Variants in TEAD1 observed in about 807,000 individuals in gnomAD.
TEAD1 encodes TEA domain transcription factor 1.
Under a neutral mutation model 54.9 loss-of-function variants are expected in TEAD1, and 9 were observed. That is an observed-to-expected ratio of 0.16 (90% CI 0.10 to 0.29). The LOEUF (loss-of-function observed/expected upper bound fraction) is 0.29, where lower values mean the gene tolerates loss of function less well. Among genes scored for constraint, TEAD1 ranks in the 10% least tolerant of loss-of-function variants. The pLI, the probability that TEAD1 is intolerant of heterozygous loss-of-function variation, is 1.00. For missense variants in TEAD1, 387 were observed against 535.9 expected, an observed-to-expected ratio of 0.72 and a Z score of 2.74; for synonymous variants, 200 against 187.8, an observed-to-expected ratio of 1.07 and a Z score of -0.53.
At chr11:12,837,487 AC>A (rs1946917464) in intron 3 of TEAD1, among the ~76,000 whole-genome samples, 1 of 152,140 alleles carries the variant, frequency 6.6e-6, no homozygotes, top group Non-Finnish European at 1.5e-5. Flanking sequence ...GGATTAAACA[AC>A]AGAAATTAAT....
intron 9 of TEAD1, among the ~76,000 whole-genome samples, chr11:12,884,561 G>T (rs1289580793): frequency 6.6e-6 from 1 of 152,192 alleles, no homozygotes; most frequent in African/African-American, 2.4e-5. Flanking sequence ...GGGCAGAGGG[G>T]CTTGACCAGT....
chr11:12,786,108 C>T (rs1044726155), intron 3 of TEAD1, among the ~76,000 whole-genome samples: 1 of 152,150 alleles, frequency 6.6e-6, no homozygotes, highest in African/African-American at 2.4e-5. Context: ...TTACTTGTCT[C>T]CCAGGTGTCC....
intron 2 of TEAD1, among the ~76,000 whole-genome samples, chr11:12,762,183 T>C (rs1409806281): frequency 6.6e-6 from 1 of 152,162 alleles, no homozygotes; most frequent in African/African-American, 2.4e-5. Flanking sequence ...GGCCTGTGGT[T>C]TTGTGCATGT....
intron 3 of TEAD1, among the ~76,000 whole-genome samples, chr11:12,835,452 G>A (rs1303719051): frequency 6.6e-6 from 1 of 152,016 alleles, no homozygotes; most frequent in Non-Finnish European, 1.5e-5. Flanking sequence ...TGGAATTATA[G>A]GCTCGTGCCA....
chr11:12,846,261 C>T (rs1434418147), intron 3 of TEAD1, among the ~76,000 whole-genome samples: 2 of 148,842 alleles, frequency 1.3e-5, no homozygotes. Context: ...CCCCCCAGAG[C>T]CTCCACAGGC....
At chr11:12,778,529 CTTTTTT>C (rs775536398) in intron 3 of TEAD1, among the ~76,000 whole-genome samples, 362 of 125,796 alleles carry the variant, frequency 2.9e-3, no homozygotes, top group African/African-American at 0.01. Flanking sequence ...TCATCAGACT[CTTTTTT>C]TTTTTTTTTT....
chr11:12,858,410 A>G (rs904431507), intron 3 of TEAD1, among the ~76,000 whole-genome samples: 4 of 152,234 alleles, frequency 2.6e-5, no homozygotes, highest in Non-Finnish European at 5.9e-5. Flanking sequence ...GGCCTAGGTA[A>G]CAGATCAGCC....
At chr11:12,784,350 G>A (rs1945630502) in intron 3 of TEAD1, among the ~76,000 whole-genome samples, 1 of 152,106 alleles carries the variant, frequency 6.6e-6, no homozygotes, top group African/African-American at 2.4e-5. Flanking sequence ...CATGGGGAGG[G>A]CGCCAGCAGG....
At chr11:12,813,194 C>G (rs939132486) in intron 3 of TEAD1, among the ~76,000 whole-genome samples, 1 of 152,140 alleles carries the variant, frequency 6.6e-6, no homozygotes, top group African/African-American at 2.4e-5. Context: ...TGGGGGCTCC[C>G]TGGGAGCCCT....
chr11:12,730,416 GTTTTTT>G (rs59731479), intron 2 of TEAD1, among the ~76,000 whole-genome samples: 14 of 60,242 alleles, frequency 2.3e-4, no homozygotes, highest in African/African-American at 6.6e-4. Flanking sequence ...CCAGTTGAGT[GTTTTTT>G]TTTTTTTTTT....
chr11:12,888,649 G>C (rs1948137947), intron 9 of TEAD1, among the ~76,000 whole-genome samples: 1 of 152,148 alleles, frequency 6.6e-6, no homozygotes. Context: ...TGTCACCCTT[G>C]CCAACATTGA....
intron 2 of TEAD1, among the ~76,000 whole-genome samples, chr11:12,711,387 A>G (rs886180151): frequency 6.6e-6 from 1 of 152,166 alleles, no homozygotes; most frequent in Non-Finnish European, 1.5e-5. Flanking sequence ...CCACTTTAAG[A>G]TGTTCTCTTA....
chr11:12,862,355 G>A (rs748564320), intron 4 of TEAD1, 41 bp downstream of exon 4: 4 of 1,592,320 alleles, frequency 2.5e-6, no homozygotes, highest in Non-Finnish European at 3.4e-6. Context: ...TCAGCGAATG[G>A]CCCAAAAAGG....
intron 2 of TEAD1, among the ~76,000 whole-genome samples, chr11:12,747,402 C>G (rs563267092): frequency 6.6e-6 from 1 of 152,172 alleles, no homozygotes; most frequent in Admixed American, 6.5e-5. Context: ...GTGGCACAAT[C>G]TTGGCTCACT....
intron 3 of TEAD1, among the ~76,000 whole-genome samples, chr11:12,820,780 C>T (rs1946528364): frequency 6.6e-6 from 1 of 152,124 alleles, no homozygotes; most frequent in Admixed American, 6.5e-5. Flanking sequence ...ATTAAAATAT[C>T]TTTATTATTG....
chr11:12,907,857 A>G lies in TEAD1; in HGVS notation c.873+5744A>G, dbSNP rs116632734. On this transcript the variant is annotated intron_variant, in intron 10 of 12. Transcript: ENST00000527636. ...CCATGCTCTTTGTGTAAACCTGTGC[A>G]TGGCCTCTTCAGGGAGCACGGTTCT... Among the ~76,000 whole-genome samples the G allele has an allele frequency of 5.9e-3, 892 of 152,314 alleles. 8 individuals are homozygous for G. Among genetic ancestry groups the G allele is most frequent in the African/African-American group, 0.02 (834 of 41,566 alleles).
intron 8 of TEAD1, 75 bp downstream of exon 8, chr11:12,882,032 A>C: frequency 1.3e-6 from 2 of 1,504,064 alleles, no homozygotes; most frequent in Non-Finnish European, 1.8e-6. Context: ...CTTTGTTCCC[A>C]GAGTCAAGAG....
chr11:12,936,847 TA>T (rs1454865898), intron 12 of TEAD1, among the ~76,000 whole-genome samples: 1 of 152,202 alleles, frequency 6.6e-6, no homozygotes, highest in African/African-American at 2.4e-5. Flanking sequence ...ACAAATGTGC[TA>T]ATTTTTGTGG....
In TEAD1 at chr11:12,943,912, GTAAAAA is replaced by G. The variant is rs1431914225; in HGVS notation, c.*6691_*6696del. 1 of 150,940 alleles carries G rather than the reference GTAAAAA, an allele frequency of 6.6e-6. No individual in the cohort carries two copies. Among genetic ancestry groups the G allele is most frequent in the African/African-American group, 2.5e-5 (1 of 40,760 alleles). 9.4% of individuals were successfully genotyped at this position (150,940 alleles called of 1,614,324 possible). A position where few individuals can be genotyped will look rare whatever the true frequency, so the allele number is the denominator to read the frequency against. The stretch of plus-strand genomic sequence containing the variant: ...ATGACTGCAGACAAGGAAAAAAAAA[GTAAAAA>G]CAAAAACAGTATGTGCCTGAAAATG... On this transcript the variant is annotated 3_prime_UTR_variant, in exon 13 of 13. Transcript: ENST00000527636.
Sources: allele counts gnomAD v4.1 joint callset (sites outside exome capture counted in the v4.1 genomes callset), GRCh38; gene constraint gnomAD v4.1.1; transcripts MANE v1.5; gene names NCBI Gene and HGNC (gene_info 2026-07-23, HGNC 2026-07-21).